The following BRCA1 variants were observed in gnomAD, a reference collection of about 807,000 sequenced individuals.
BRCA1 encodes breast cancer type 1 susceptibility protein.
Under a neutral mutation model 173.7 loss-of-function variants are expected in BRCA1, and 140 were observed. The observed-to-expected ratio is 0.81, with a 90% CI of 0.70 to 0.93. BRCA1 has a LOEUF of 0.93. BRCA1 is among the 40% of genes least tolerant of loss of function. BRCA1 has a pLI of 0.00. For synonymous variants in BRCA1, 662 were observed against 756.0 expected (o/e 0.88, Z 2.04); for missense variants, 1,983 against 2,172.5 (o/e 0.91, Z 1.73).
chr17:43,144,917 G>A, intron 1 of BRCA1: 1 of 567,992 alleles, frequency 1.8e-6, no homozygotes, highest in Non-Finnish European at 3.4e-6. Context: ...GCACACCGCG[G>A]CCAGCAGGCA....
chr17:43,146,128 T>A (rs1026602852), intron 1 of BRCA1, among the ~76,000 whole-genome samples: 2 of 152,094 alleles, frequency 1.3e-5, no homozygotes, highest in Non-Finnish European at 2.9e-5. Flanking sequence ...GAATATGTAG[T>A]ATACATGCTA....
At chr17:43,077,005 G>A (rs964137571) in intron 12 of BRCA1, among the ~76,000 whole-genome samples, 1 of 151,822 alleles carries the variant, frequency 6.6e-6, no homozygotes, top group African/African-American at 2.4e-5. Flanking sequence ...AAAGAGTACC[G>A]GAGAGCACAA....
At position 43,045,732 on chromosome 17, in the gene BRCA1, C is replaced by T. The variant is rs80356849; in HGVS notation, c.5538G>A (p.Gln1846=). Residue 1846 remains glutamine, a synonymous_variant, in exon 23 of 23, where the codon CAG becomes CAA. Transcript: ENST00000357654. ...EWVLDSVALY[Q]CQELDTYLIP... ...TCAGGTAGGTGTCCAGCTCCTGGCA[C>T]TGGTAGAGTGCTACACTGTCCAACA... 1.2e-6 allele frequency: 2 copies of T among 1,613,962 alleles called. No homozygotes were observed. Among genetic ancestry groups the T allele is most frequent in the Non-Finnish European group, 8.5e-7 (1 of 1,179,982 alleles).
chr17:43,072,419 T>C (rs1281333661), intron 14 of BRCA1, among the ~76,000 whole-genome samples: 1 of 151,764 alleles, frequency 6.6e-6, no homozygotes, highest in Non-Finnish European at 1.5e-5. Flanking sequence ...ATTTTTTTTT[T>C]TGAGAAGGGT....
intron 19 of BRCA1, among the ~76,000 whole-genome samples, chr17:43,056,417 G>A (rs1314090349): frequency 4.6e-5 from 7 of 152,148 alleles, no homozygotes; most frequent in African/African-American, 1.4e-4. Flanking sequence ...TGGCTCAAGC[G>A]ATCTGCCTGC....
chr17:43,096,490 T>G (rs1290016029), intron 8 of BRCA1, among the ~76,000 whole-genome samples: 1 of 150,400 alleles, frequency 6.6e-6, no homozygotes, highest in Non-Finnish European at 1.5e-5. Flanking sequence ...GAGAATCGCT[T>G]GAACCAGGGA....
intron 1 of BRCA1, among the ~76,000 whole-genome samples, chr17:43,130,840 C>T (rs2055959037): frequency 6.6e-6 from 1 of 152,140 alleles, no homozygotes; most frequent in East Asian, 1.9e-4. Flanking sequence ...TTTTTGTGCT[C>T]ACACACATAC....
intron 1 of BRCA1, chr17:43,166,517 CAT>C (rs1340743897): frequency 1.3e-5 from 2 of 152,184 alleles, no homozygotes. Context: ...TTCCTGGTGT[CAT>C]AGCACTCCAT....
intron 19 of BRCA1, among the ~76,000 whole-genome samples, chr17:43,053,911 G>A (rs2051353742): frequency 6.6e-6 from 1 of 151,860 alleles, no homozygotes; most frequent in Non-Finnish European, 1.5e-5. Flanking sequence ...AGAGATTGCG[G>A]TGAGCCAAGA....
intron 2 of BRCA1, among the ~76,000 whole-genome samples, chr17:43,117,471 G>A (rs568225296): frequency 6.6e-6 from 1 of 152,148 alleles, no homozygotes; most frequent in Admixed American, 6.6e-5. Flanking sequence ...GCCAGACACG[G>A]GGGCTCATGC....
chr17:43,137,247 G>A (rs2056032968), intron 1 of BRCA1, among the ~76,000 whole-genome samples: 1 of 133,094 alleles, frequency 7.5e-6, no homozygotes, highest in African/African-American at 2.8e-5. Context: ...TGGACACAGG[G>A]TGGGGAACAT....
chr17:43,132,770 A>AT lies in BRCA1; in HGVS notation c.-19-8656dup, dbSNP rs111715139. ...ATTCTTTTTTTCTTTATTTTATTTT[A>AT]TTTTTTTTTTTGAGATGGAGTCTCG... is the stretch of plus-strand genomic sequence containing the variant. On this transcript the variant is annotated intron_variant, in intron 1 of 7. Coordinates refer to the BRCA1 transcript ENST00000634433. 309 of 118,816 alleles carry AT rather than the reference A, an allele frequency of 2.6e-3. 4 individuals carry two copies. Among genetic ancestry groups the AT allele is most frequent in the Middle Eastern group, 0.021 (4 of 192 alleles). 7.4% of individuals were successfully genotyped at this position (118,816 alleles called of 1,614,324 possible). A position where few individuals can be genotyped will look rare whatever the true frequency, so the allele number is the denominator to read the frequency against.
At chr17:43,121,738 A>G (rs2055588692) in intron 2 of BRCA1, among the ~76,000 whole-genome samples, 3 of 152,020 alleles carry the variant, frequency 2.0e-5, no homozygotes, top group African/African-American at 7.2e-5. Context: ...AACAGAAAAA[A>G]GCAATGAAAA....
At chr17:43,125,135 C>T (rs771582409) in intron 1 of BRCA1, 136 bp downstream of exon 1, 1 of 452,364 alleles carries the variant, frequency 2.2e-6, no homozygotes, top group South Asian at 1.6e-5. Flanking sequence ...GGGTTCACAA[C>T]GCCTTACGCC....
intron 18 of BRCA1, among the ~76,000 whole-genome samples, chr17:43,059,602 T>C (rs2051661011): frequency 6.6e-6 from 1 of 152,132 alleles, no homozygotes. Context: ...GCCTTCTTCA[T>C]CTAATTTAAT....
chr17:43,128,228 G>A (rs145258397), upstream of BRCA1, among the ~76,000 whole-genome samples: 4 of 152,086 alleles, frequency 2.6e-5, no homozygotes, highest in African/African-American at 9.7e-5. Context: ...TGAAGCCAGC[G>A]AGACCACGAA....
At chr17:43,136,646 AAAG>A (rs1469210060) in intron 1 of BRCA1, among the ~76,000 whole-genome samples, 10 of 152,250 alleles carry the variant, frequency 6.6e-5, no homozygotes, top group African/African-American at 2.4e-4. Flanking sequence ...ACACTTCTCA[AAAG>A]AAGACATTTA....
At chr17:43,147,717 T>TAATA (rs1039438087) in intron 1 of BRCA1, among the ~76,000 whole-genome samples, 1 of 152,104 alleles carries the variant, frequency 6.6e-6, no homozygotes, top group Non-Finnish European at 1.5e-5. Context: ...ATGAAATAAA[T>TAATA]AATAAATAAA....
At chr17:43,162,423 G>A (rs2056242277) in intron 1 of BRCA1, 1 of 151,986 alleles carries the variant, frequency 6.6e-6, no homozygotes, top group Non-Finnish European at 1.5e-5. Context: ...TATCATTTAT[G>A]AGCCCCCACC....
Sources: allele counts gnomAD v4.1 joint callset (sites outside exome capture counted in the v4.1 genomes callset), GRCh38; gene constraint gnomAD v4.1.1; transcripts MANE v1.5; gene names NCBI Gene and HGNC (gene_info 2026-07-23, HGNC 2026-07-21).